SLC30A5: variants seen among roughly 807,000 people sequenced by gnomAD.
The protein encoded by SLC30A5 is proton-coupled zinc antiporter SLC30A5.
Under a neutral mutation model 79.6 loss-of-function variants are expected in SLC30A5, and 33 were observed. That is an observed-to-expected ratio of 0.41 (90% CI 0.31 to 0.55). The LOEUF (loss-of-function observed/expected upper bound fraction) is 0.55, where lower values mean the gene tolerates loss of function less well. Ranked by LOEUF, SLC30A5 falls within the 20% of genes least tolerant of loss-of-function variation. The pLI is 0.20. For missense variants in SLC30A5, 788 were observed against 928.1 expected, an observed-to-expected ratio of 0.85 and a Z score of 1.96; for synonymous variants, 299 against 319.7, an observed-to-expected ratio of 0.94 and a Z score of 0.69.
chr5:69,103,761 A>G (rs932522022), intron 3 of SLC30A5, among the ~76,000 whole-genome samples: 3 of 152,238 alleles, frequency 2.0e-5, no homozygotes, highest in African/African-American at 7.2e-5. Flanking sequence ...TACATTTTGC[A>G]TAATCATCTC....
chr5:69,115,163 AAAGAT>A, intron 7 of SLC30A5, 69 bp from the exon 8 acceptor site: 3 of 838,900 alleles, frequency 3.6e-6, no homozygotes, highest in Non-Finnish European at 1.8e-6. Flanking sequence ...AAAAAAAAAA[AAAGAT>A]CATGTATTTA....
intron 12 of SLC30A5, among the ~76,000 whole-genome samples, chr5:69,120,321 T>C (rs1344616442): frequency 6.6e-6 from 1 of 151,712 alleles, no homozygotes; most frequent in African/African-American, 2.4e-5. Context: ...GAGGCAGAGG[T>C]TGCAATAAGC....
chr5:69,124,866 C>A (rs544751483), intron 14 of SLC30A5, among the ~76,000 whole-genome samples: 5 of 152,066 alleles, frequency 3.3e-5, no homozygotes, highest in Admixed American at 1.3e-4. Flanking sequence ...CACTGCACCC[C>A]GCCAGAAAAA....
At position 69,114,436 on chromosome 5, in the gene SLC30A5, C is replaced by T; in HGVS notation, c.552C>T (p.Asp184=). The change falls in exon 7 of 16, where the codon GAC becomes GAT. Residue 184 remains aspartate, a synonymous_variant. Coordinates refer to ENST00000396591, the MANE Select transcript of SLC30A5 (RefSeq NM_022902.5). ...CTCACTTAGCTGAAGGACATCATGA[C>T]AGTGCTCTAACTCATATGCTTTACA... ...KMAEHPEGHH[D]SALTHMLYTA... 2 of 1,608,910 alleles carry T rather than the reference C, an allele frequency of 1.2e-6. No individual in the cohort carries two copies. Among genetic ancestry groups the T allele is most frequent in the Non-Finnish European group, 1.7e-6 (2 of 1,175,696 alleles).
intron 5 of SLC30A5, among the ~76,000 whole-genome samples, chr5:69,110,084 GACA>G (rs1746190967): frequency 6.6e-6 from 1 of 152,134 alleles, no homozygotes; most frequent in Non-Finnish European, 1.5e-5. Context: ...TCGGTTTTAG[GACA>G]ACATGAGTAA....
chr5:69,109,567 C>T (rs780998657), intron 5 of SLC30A5, among the ~76,000 whole-genome samples: 7 of 152,194 alleles, frequency 4.6e-5, no homozygotes, highest in Non-Finnish European at 8.8e-5. Flanking sequence ...TGTACTCATG[C>T]ACCTTTCCCC....
At chr5:69,105,340 G>T (rs182210868) in intron 4 of SLC30A5, among the ~76,000 whole-genome samples, 1 of 152,112 alleles carries the variant, frequency 6.6e-6, no homozygotes, top group Admixed American at 6.6e-5. Flanking sequence ...TTCCCCATCT[G>T]TAAAGGATTT....
intron 7 of SLC30A5, 71 bp from the exon 8 acceptor site, chr5:69,115,152 AAAAAAAAAAAAAAG>A: frequency 1.7e-6 from 1 of 597,572 alleles, no homozygotes; most frequent in Admixed American, 3.6e-5. Context: ...AAAAAAAAAA[AAAAAAAAAAAAAAG>A]ATCATGTATT....
chr5:69,117,215 CT>C (rs3840519), intron 10 of SLC30A5, 23 bp from the exon 11 acceptor site: 660,036 of 1,547,384 alleles, frequency 0.43, 137,036 homozygotes, highest in East Asian at 0.51. Flanking sequence ...ATACTCCTCC[CT>C]TTTTTTTTGG....
intron 14 of SLC30A5, 66 bp downstream of exon 14, chr5:69,123,491 A>G: frequency 8.3e-7 from 1 of 1,207,552 alleles, no homozygotes; most frequent in Non-Finnish European, 1.2e-6. Flanking sequence ...CTTTGCTGGA[A>G]GTAAAACAGA....
chr5:69,103,916 T>C (rs374078450), intron 3 of SLC30A5: 182 of 1,356,182 alleles, frequency 1.3e-4, no homozygotes, highest in Non-Finnish European at 1.7e-4. Context: ...TTTTAAAATA[T>C]GATTAATAGT....
At chr5:69,102,892 G>T in intron 2 of SLC30A5, 170 bp from the exon 3 acceptor site, 1 of 367,016 alleles carries the variant, frequency 2.7e-6, no homozygotes. Flanking sequence ...TCAAAATATT[G>T]CAATAGGAGT....
intron 7 of SLC30A5, among the ~76,000 whole-genome samples, chr5:69,114,735 C>T (rs1746315738): frequency 6.6e-6 from 1 of 152,120 alleles, no homozygotes; most frequent in Non-Finnish European, 1.5e-5. Context: ...CATGGTGGCA[C>T]ATGCCTGTAA....
chr5:69,096,950 ACCCTG>A (rs1294709994), intron 1 of SLC30A5, among the ~76,000 whole-genome samples: 3 of 148,996 alleles, frequency 2.0e-5, no homozygotes, highest in African/African-American at 7.4e-5. Flanking sequence ...ACAGTGCAAA[ACCCTG>A]CCCCGCCTTT....
chr5:69,101,542 G>A (rs567502433), intron 2 of SLC30A5, among the ~76,000 whole-genome samples: 1 of 151,874 alleles, frequency 6.6e-6, no homozygotes, highest in African/African-American at 2.4e-5. Flanking sequence ...CTCCCAAAGT[G>A]CTGGGATTAC....
intron 3 of SLC30A5, chr5:69,104,211 C>T (rs901810857): frequency 6.1e-6 from 5 of 821,430 alleles, no homozygotes; most frequent in Non-Finnish European, 8.5e-6. Context: ...GATCTTGTCT[C>T]ACTGCAACCT....
chr5:69,119,147 A>G (rs939947970), intron 12 of SLC30A5, among the ~76,000 whole-genome samples: 9 of 152,062 alleles, frequency 5.9e-5, no homozygotes, highest in African/African-American at 2.2e-4. Flanking sequence ...AAAGCTTTAC[A>G]TGTGCTGTTT....
Position 69,113,204 on chromosome 5 carries a change from T to A in SLC30A5, c.512T>A (p.Leu171His), listed in dbSNP as rs1746278392. Residue 171 changes from leucine to histidine, a missense_variant, in exon 6 of 16, where the codon CTC becomes CAC. Physicochemically the swap from Leu to His is moderately conservative, Grantham distance 99 (BLOSUM62 -3). Around this residue, in one of 3 missense-constraint regions of SLC30A5, gnomAD observed 626 missense variants for 755.5 expected, o/e 0.83. Coordinates refer to ENST00000396591, the MANE Select transcript of SLC30A5 (RefSeq NM_022902.5). Reference protein sequence around the residue: ...ICLLLFDNDDLMAKMAEHPEG... With the variant: ...ICLLLFDNDDHMAKMAEHPEG... ...TTATTGCTTTTTGACAATGATGATC[T>A]CATGGCTAAAATGGCTGAACACCGT... 5.6e-6 allele frequency: 9 copies of A among 1,613,574 alleles called. No individual in the cohort carries two copies. Among genetic ancestry groups the A allele is most frequent in the Middle Eastern group, 1.7e-4 (1 of 6,038 alleles).
intron 4 of SLC30A5, among the ~76,000 whole-genome samples, chr5:69,107,541 A>T (rs542649754): frequency 1.3e-5 from 2 of 152,246 alleles, no homozygotes; most frequent in East Asian, 3.9e-4. Flanking sequence ...AATTGTATGT[A>T]CTGTATTATA....
Sources: allele counts gnomAD v4.1 joint callset (sites outside exome capture counted in the v4.1 genomes callset), GRCh38; gene constraint gnomAD v4.1.1; regional missense constraint gnomAD v4.1.1; transcripts MANE v1.5; gene names NCBI Gene and HGNC (gene_info 2026-07-23, HGNC 2026-07-21).